The following CREB1 variants were observed in gnomAD, a reference collection of about 807,000 sequenced individuals.
CREB1 encodes cAMP responsive element binding protein 1, also known as cyclic AMP-responsive element-binding protein 1.
CREB1 carries 2 observed loss-of-function variants against 42.0 expected under a neutral mutation model. That is an observed-to-expected ratio of 0.05 (90% CI 0.02 to 0.15). CREB1 has a LOEUF of 0.15. Among genes scored for constraint, CREB1 ranks in the 10% least tolerant of loss-of-function variants. The pLI is 1.00. For missense variants in CREB1, 199 were observed against 388.9 expected (o/e 0.51, Z 4.11); for synonymous variants, 123 against 139.9 (o/e 0.88, Z 0.85).
chr2:207,552,833 C>T (rs1212617357), intron 1 of CREB1, among the ~76,000 whole-genome samples: 1 of 151,982 alleles, frequency 6.6e-6, no homozygotes, highest in Non-Finnish European at 1.5e-5. Context: ...CCAAGCTGAT[C>T]TCGAACTCCT....
intron 7 of CREB1, among the ~76,000 whole-genome samples, chr2:207,594,883 G>T (rs558876986): frequency 9.2e-5 from 14 of 151,832 alleles, no homozygotes; most frequent in Admixed American, 2.0e-4. Flanking sequence ...TCAACAATGG[G>T]TATTTTCTGC....
intron 3 of CREB1, among the ~76,000 whole-genome samples, chr2:207,566,068 A>G (rs758062255): frequency 1.3e-5 from 2 of 152,122 alleles, no homozygotes; most frequent in East Asian, 3.9e-4. Context: ...TATGTTGCCT[A>G]TTGATTTTTA....
intron 1 of CREB1, among the ~76,000 whole-genome samples, chr2:207,532,060 T>G (rs1015606927): frequency 6.6e-6 from 1 of 152,190 alleles, no homozygotes; most frequent in African/African-American, 2.4e-5. Context: ...ATTTTTTTTC[T>G]TGTTAAGAAT....
At chr2:207,530,457 G>T (rs1326242193) in intron 1 of CREB1, among the ~76,000 whole-genome samples, 1 of 145,282 alleles carries the variant, frequency 6.9e-6, no homozygotes, top group Non-Finnish European at 1.5e-5. Flanking sequence ...GCGGCCGGCC[G>T]CGGCGAGCTG....
intron 1 of CREB1, among the ~76,000 whole-genome samples, chr2:207,532,577 G>A (rs940265574): frequency 2.0e-5 from 3 of 151,392 alleles, no homozygotes; most frequent in Non-Finnish European, 2.9e-5. Context: ...GGTAGCTGAG[G>A]CAGGAGAATC....
intron 7 of CREB1, among the ~76,000 whole-genome samples, chr2:207,578,238 G>GTTTT (rs2082670733): frequency 6.6e-6 from 1 of 151,942 alleles, no homozygotes; most frequent in African/African-American, 2.4e-5. Context: ...GTGAAATGTT[G>GTTTT]GTAAAGCAAT....
chr2:207,573,256 A>G (rs532044014), intron 5 of CREB1, among the ~76,000 whole-genome samples: 1 of 152,314 alleles, frequency 6.6e-6, no homozygotes, highest in South Asian at 2.1e-4. Flanking sequence ...AGCTATCTCA[A>G]ATCTTTTTGG....
chr2:207,583,664 A>G (rs1241860433), intron 7 of CREB1, among the ~76,000 whole-genome samples: 1 of 152,260 alleles, frequency 6.6e-6, no homozygotes, highest in African/African-American at 2.4e-5. Context: ...GACATCCCTA[A>G]GTTTTTATCC....
chr2:207,566,384 CGCATAATGT>C (rs1553580576), intron 3 of CREB1, among the ~76,000 whole-genome samples: 10 of 152,116 alleles, frequency 6.6e-5, no homozygotes, highest in Non-Finnish European at 4.4e-5. Context: ...TTACTCTGAC[CGCATAATGT>C]GCCCCTAGTT....
chr2:207,544,172 G>T (rs1487473160), intron 1 of CREB1, among the ~76,000 whole-genome samples: 1 of 152,140 alleles, frequency 6.6e-6, no homozygotes, highest in Non-Finnish European at 1.5e-5. Context: ...CTCCCAAAGT[G>T]CTGGGATTAC....
chr2:207,576,032 GC>G lies in CREB1; in HGVS notation c.688+581del, dbSNP rs540208809. On this transcript the variant is annotated intron_variant, in intron 6 of 7. Coordinates refer to ENST00000353267, the MANE Select transcript of CREB1 (RefSeq NM_004379.5). Reference sequence around the variant, plus strand: ...TCTAGAGACATGGTCTCACTGTGTTGCCCAGGCTAGTCTTGAACTCCGGGCC... The same window carrying G: ...TCTAGAGACATGGTCTCACTGTGTTGCCAGGCTAGTCTTGAACTCCGGGCC... 8.4e-3 allele frequency among the ~76,000 whole-genome samples: 1,168 copies of G among 139,194 alleles called. 9 individuals carry two copies. Among genetic ancestry groups the G allele is most frequent in the Non-Finnish European group, 0.012 (791 of 66,286 alleles). The allele number at this position is 139,194 out of a possible 152,430, so 91.3% of individuals were successfully genotyped here.
chr2:207,554,083 T>G (rs1014038164), intron 1 of CREB1, among the ~76,000 whole-genome samples: 2 of 152,258 alleles, frequency 1.3e-5, no homozygotes, highest in Non-Finnish European at 2.9e-5. Flanking sequence ...GCTACATCTC[T>G]GGATATTACT....
chr2:207,546,856 C>T (rs2081320799), intron 1 of CREB1, among the ~76,000 whole-genome samples: 1 of 152,096 alleles, frequency 6.6e-6, no homozygotes, highest in African/African-American at 2.4e-5. Context: ...CCAGTATATC[C>T]TTGGTACCTT....
chr2:207,577,291 G>A lies in CREB1; in HGVS notation c.689-214G>A, dbSNP rs948137679. On this transcript the variant is annotated intron_variant, in intron 6 of 7. Transcript: ENST00000353267. ...TGAAAAATAAAATGTAAGATCCAGC[G>A]GACATAGGTTACTGTAATAAATACA... The A allele has an allele frequency of 1.8e-5, 19 of 1,040,144 alleles. No homozygotes were observed. The East Asian group carries it at 3.5e-4, about 19-fold the overall frequency. The allele number at this position is 1,040,144 out of a possible 1,614,324, so 64.4% of individuals were successfully genotyped here.
chr2:207,579,059 TA>T (rs1447999040), intron 7 of CREB1, among the ~76,000 whole-genome samples: 1 of 152,172 alleles, frequency 6.6e-6, no homozygotes, highest in African/African-American at 2.4e-5. Flanking sequence ...GTGCTGGGAT[TA>T]CAGGTATGAG....
intron 7 of CREB1, among the ~76,000 whole-genome samples, chr2:207,595,598 T>G (rs2106636782): frequency 6.6e-6 from 1 of 152,098 alleles, no homozygotes; most frequent in South Asian, 2.1e-4. Flanking sequence ...GTTCTTGGTT[T>G]GTCACCCAGG....
chr2:207,557,870 C>G (rs2081793438), intron 2 of CREB1, among the ~76,000 whole-genome samples: 1 of 151,954 alleles, frequency 6.6e-6, no homozygotes, highest in South Asian at 2.1e-4. Context: ...ATTGAGTTAG[C>G]TAGGTATATT....
At chr2:207,592,312 C>A (rs1350959257) in intron 7 of CREB1, among the ~76,000 whole-genome samples, 1 of 152,068 alleles carries the variant, frequency 6.6e-6, no homozygotes, top group African/African-American at 2.4e-5. Flanking sequence ...GAGGCTGAGG[C>A]AGGAAAATCA....
In CREB1 at chr2:207,598,591, A is replaced by C. The variant is rs2086555149; in HGVS notation, c.*1533A>C. 1 of 174,078 alleles carries C rather than the reference A, an allele frequency of 5.7e-6. No individual in the cohort carries two copies. The highest frequency in any genetic ancestry group is 2.0e-4 in the South Asian group (1 of 5,006). 10.8% of individuals were successfully genotyped at this position (174,078 alleles called of 1,614,324 possible). A position where few individuals can be genotyped will look rare whatever the true frequency, so the allele number is the denominator to read the frequency against. On this transcript the variant is annotated 3_prime_UTR_variant, in exon 8 of 8. Coordinates refer to ENST00000353267, the MANE Select transcript of CREB1 (RefSeq NM_004379.5). ...GCCGGGCGCAGTGGCTCACGCCTGT[A>C]ATCCCAGCACTTTGGGAGGCCAAGG... is the stretch of plus-strand genomic sequence containing the variant.
Sources: allele counts gnomAD v4.1 joint callset (sites outside exome capture counted in the v4.1 genomes callset), GRCh38; gene constraint gnomAD v4.1.1; transcripts MANE v1.5; gene names NCBI Gene and HGNC (gene_info 2026-07-23, HGNC 2026-07-21).